IGSF3: variants seen among roughly 807,000 people sequenced by gnomAD.
IGSF3 encodes immunoglobulin superfamily member 3, also known as glu-Trp-Ile EWI motif-containing protein 3.
In IGSF3, 23 loss-of-function variants were observed where a neutral mutation model predicts 114.4. The ratio of observed to expected loss-of-function variants is 0.20; its 90% confidence interval spans 0.14 to 0.28. IGSF3 has a LOEUF of 0.28. IGSF3 is among the 10% of genes least tolerant of loss of function. The pLI is 1.00. For synonymous variants in IGSF3, 571 were observed against 645.2 expected, an observed-to-expected ratio of 0.88 and a Z score of 1.74; for missense variants, 1,172 against 1,591.5, an observed-to-expected ratio of 0.74 and a Z score of 4.48.
In IGSF3 at chr1:116,592,987, G is replaced by C. The variant is rs967054041; in HGVS notation, c.2030-3883C>G. ...ATCAAAGGGCACGCCAGAGAGAGGGGACAAGAGGAAAAAGATGACAACTAC... is the reference window on the plus strand; with the variant it reads ...ATCAAAGGGCACGCCAGAGAGAGGGCACAAGAGGAAAAAGATGACAACTAC... On this transcript the variant is annotated intron_variant, in intron 7 of 10. Transcript: ENST00000369486. This position sits in a 1 kb window ranked among gnomAD's most constrained non-coding sequence, Gnocchi z 4.5. Among the ~76,000 whole-genome samples, 2 of 152,196 alleles carry C rather than the reference G, an allele frequency of 1.3e-5. No individual in the cohort carries two copies. The highest frequency in any genetic ancestry group is 2.4e-5 in the African/African-American group (1 of 41,450).
chr1:116,615,027 C>G lies in IGSF3; in HGVS notation c.422-852G>C, dbSNP rs1484081501. 6.6e-6 allele frequency among the ~76,000 whole-genome samples: 1 copy of G among 151,976 alleles called. No homozygotes were observed. Among genetic ancestry groups the G allele is most frequent in the Non-Finnish European group, 1.5e-5 (1 of 68,004 alleles). ...CGGTGGCTCACACCTATAATCCCAA[C>G]ACTTTGGGAGGGTGAGGGAGGCGGA... On this transcript the variant is annotated intron_variant, in intron 3 of 10. Transcript: ENST00000369486. This position sits in a 1 kb window ranked among gnomAD's most constrained non-coding sequence, Gnocchi z 4.3.
chr1:116,635,200 A>C (rs750470757), intron 2 of IGSF3, among the ~76,000 whole-genome samples: 15 of 152,296 alleles, frequency 9.8e-5, no homozygotes, highest in Non-Finnish European at 1.9e-4. Context: ...TCTGTAACTT[A>C]CTTCATGTTC....
At position 116,589,827 on chromosome 1, in the gene IGSF3, C is replaced by T. The variant is rs906571731; in HGVS notation, c.2030-723G>A. Among the ~76,000 whole-genome samples the T allele has an allele frequency of 6.6e-6, 1 of 152,166 alleles. No homozygotes were observed. Among genetic ancestry groups the T allele is most frequent in the Non-Finnish European group, 1.5e-5 (1 of 68,044 alleles). ...AGCCAGTATTTACGGAGTGCCCACT[C>T]GGTTTCCCACAGGATGCTAAGTGCT... On this transcript the variant is annotated intron_variant, in intron 7 of 10. Transcript: ENST00000369486. The surrounding 1 kb of genome is among the most constrained non-coding windows in gnomAD (Gnocchi z 5.7).
intron 10 of IGSF3, among the ~76,000 whole-genome samples, chr1:116,578,209 G>A (rs1255449183): frequency 2.0e-5 from 3 of 152,218 alleles, no homozygotes; most frequent in Non-Finnish European, 4.4e-5. Context: ...CAGGAGCCTA[G>A]CCTCTGGGAG....
chr1:116,614,163 G>A lies in IGSF3; in HGVS notation c.434C>T (p.Ser145Phe), dbSNP rs1411941466. 3 of 1,609,526 alleles carry A rather than the reference G, an allele frequency of 1.9e-6. No homozygotes were observed. The highest frequency in any genetic ancestry group is 2.7e-5 in the African/African-American group (2 of 74,960). The stretch of plus-strand genomic sequence containing the variant: ...CTGGGGCATGGCAGTGGTCTGCAGG[G>A]AGTCTGGGATCACTGCAACACAGAA... ...AKMNLVVIPDSLQTTAMPQTL... is the reference protein window; with the variant it reads ...AKMNLVVIPDFLQTTAMPQTL... Residue 145 changes from serine to phenylalanine, a missense_variant, in exon 4 of 11, where the codon TCC (serine) becomes TTC (phenylalanine). By Grantham distance (155) the Ser-to-Phe change is radical. Coordinates refer to ENST00000369486, the MANE Select transcript of IGSF3 (RefSeq NM_001007237.3). This position sits in a 1 kb window ranked among gnomAD's most constrained non-coding sequence, Gnocchi z 4.5.
Position 116,589,888 on chromosome 1 carries a change from C to T in IGSF3, c.2030-784G>A, listed in dbSNP as rs1660024472. Among the ~76,000 whole-genome samples the T allele has an allele frequency of 6.6e-6, 1 of 152,162 alleles. No homozygotes were observed. The highest frequency in any genetic ancestry group is 2.4e-5 in the African/African-American group (1 of 41,438). ...TGAAGAGTAAGCCGGAGTCCCAGCC[C>T]TCATGGGGTGGACTGCCTAGCGGAC... is the stretch of plus-strand genomic sequence containing the variant. On this transcript the variant is annotated intron_variant, in intron 7 of 10. Transcript: ENST00000369486. The surrounding 1 kb of genome is among the most constrained non-coding windows in gnomAD (Gnocchi z 5.7).
rs1660544146 is a variant in IGSF3 at position 116,600,703 on chromosome 1, A to G, written c.1625-358T>C. 6.6e-6 allele frequency among the ~76,000 whole-genome samples: 1 copy of G among 152,224 alleles called. No individual in the cohort carries two copies. Among genetic ancestry groups the G allele is most frequent in the South Asian group, 2.1e-4 (1 of 4,836 alleles). ...AAATCTTGAGATTCCATGAGAGAAC[A>G]GGAAAAGAAAACCCCAAAGCCAATT... On this transcript the variant is annotated intron_variant, in intron 6 of 10. Coordinates refer to ENST00000369486, the MANE Select transcript of IGSF3 (RefSeq NM_001007237.3). This position sits in a 1 kb window ranked among gnomAD's most constrained non-coding sequence, Gnocchi z 5.5.
Position 116,651,812 on chromosome 1 carries a change from C to G in IGSF3, c.43+14472G>C, listed in dbSNP as rs565541336. Among the ~76,000 whole-genome samples, 49 of 152,154 alleles carry G rather than the reference C, an allele frequency of 3.2e-4. No homozygotes were observed. The highest frequency in any genetic ancestry group is 1.2e-3 in the African/African-American group (48 of 41,496). ...GAACTTAAAATCTAGTTTATTAAAC[C>G]ATTACTCACAAAAGTACAATCCAAC... is the stretch of plus-strand genomic sequence containing the variant. On this transcript the variant is annotated intron_variant, in intron 2 of 10. Transcript: ENST00000369486. The surrounding 1 kb of genome is among the most constrained non-coding windows in gnomAD (Gnocchi z 4.4).
At chr1:116,646,505 C>T (rs1186896879) in intron 2 of IGSF3, among the ~76,000 whole-genome samples, 3 of 145,578 alleles carry the variant, frequency 2.1e-5, no homozygotes, top group Non-Finnish European at 4.6e-5. Context: ...TAGGTTTTGG[C>T]TCACAAACAG....
At chr1:116,581,945 G>T (rs1276467929) in intron 9 of IGSF3, among the ~76,000 whole-genome samples, 1 of 152,188 alleles carries the variant, frequency 6.6e-6, no homozygotes, top group Non-Finnish European at 1.5e-5. Flanking sequence ...GGTGTCAAGG[G>T]AGGTGGCCCT....
rs2101386502 is a variant in IGSF3 at position 116,593,578 on chromosome 1, C to A, written c.2030-4474G>T. On this transcript the variant is annotated intron_variant, in intron 7 of 10. Coordinates refer to ENST00000369486, the MANE Select transcript of IGSF3 (RefSeq NM_001007237.3). This position sits in a 1 kb window ranked among gnomAD's most constrained non-coding sequence, Gnocchi z 4.5. ...CCTGCCAGTCAAACTGTTACTACCC[C>A]TGAGTCCCTCTGTCCTTAACACCCC... Among the ~76,000 whole-genome samples, 1 of 152,328 alleles carries A rather than the reference C, an allele frequency of 6.6e-6. No individual in the cohort carries two copies. Among genetic ancestry groups the A allele is most frequent in the East Asian group, 1.9e-4 (1 of 5,182 alleles).
In IGSF3 at chr1:116,627,680, G is replaced by A. The variant is rs577320531; in HGVS notation, c.44-11223C>T. Among the ~76,000 whole-genome samples the A allele has an allele frequency of 1.3e-5, 2 of 152,316 alleles. No homozygotes were observed. The highest frequency in any genetic ancestry group is 4.1e-4 in the South Asian group (2 of 4,826). On this transcript the variant is annotated intron_variant, in intron 2 of 10. Transcript: ENST00000369486. The surrounding 1 kb of genome is among the most constrained non-coding windows in gnomAD (Gnocchi z 4.7). ...GGGCGCCAACAGCAAAAGCACTTGG[G>A]GGGCTTTTTCAAGTGGCATCAGAAC...
chr1:116,589,672 G>A lies in IGSF3; in HGVS notation c.2030-568C>T, dbSNP rs75089720. Among the ~76,000 whole-genome samples the A allele has an allele frequency of 1.6e-4, 25 of 151,828 alleles. No individual in the cohort carries two copies. Among genetic ancestry groups the A allele is most frequent in the South Asian group, 2.1e-4 (1 of 4,786 alleles). On this transcript the variant is annotated intron_variant, in intron 7 of 10. Coordinates refer to ENST00000369486, the MANE Select transcript of IGSF3 (RefSeq NM_001007237.3). The surrounding 1 kb of genome is among the most constrained non-coding windows in gnomAD (Gnocchi z 5.7). Reference sequence around the variant, plus strand: ...TTCTCTCCACTTATCCCTCATTCCCGTCCCCCTGGGCTCCATACCCTTCCT... The same window carrying A: ...TTCTCTCCACTTATCCCTCATTCCCATCCCCCTGGGCTCCATACCCTTCCT...
Position 116,600,113 on chromosome 1 carries a change from G to A in IGSF3, c.1857C>T (p.Ile619=), listed in dbSNP as rs749799724. 24 of 1,614,040 alleles carry A rather than the reference G, an allele frequency of 1.5e-5. No homozygotes were observed. Among genetic ancestry groups the A allele is most frequent in the East Asian group, 6.7e-5 (3 of 44,898 alleles). ...CGTTGTTGCTGGACTCAGCCTTCTCGATGGCAGTTCGGGTTCGGAAGCTGG... is the reference window on the plus strand; with the variant it reads ...CGTTGTTGCTGGACTCAGCCTTCTCAATGGCAGTTCGGGTTCGGAAGCTGG... ...RSSSFRTRTA[I]EKAESSNNVR... Residue 619 remains isoleucine (I), a synonymous_variant, in exon 7 of 11, where the codon ATC becomes ATT. Transcript: ENST00000369486. The surrounding 1 kb of genome is among the most constrained non-coding windows in gnomAD (Gnocchi z 5.5).
At position 116,634,793 on chromosome 1, in the gene IGSF3, G is replaced by A. The variant is rs968048004; in HGVS notation, c.44-18336C>T. Among the ~76,000 whole-genome samples, 1 of 152,064 alleles carries A rather than the reference G, an allele frequency of 6.6e-6. No individual in the cohort carries two copies. Among genetic ancestry groups the A allele is most frequent in the African/African-American group, 2.4e-5 (1 of 41,366 alleles). ...GTGACACTCTGTGACCTTAAGGCTA[G>A]GTCACAAACAGGGAACGCAGCTTCT... On this transcript the variant is annotated intron_variant, in intron 2 of 10. Transcript: ENST00000369486. This position sits in a 1 kb window ranked among gnomAD's most constrained non-coding sequence, Gnocchi z 4.2.
intron 4 of IGSF3, among the ~76,000 whole-genome samples, chr1:116,611,302 T>C (rs1463966925): frequency 6.6e-6 from 1 of 152,182 alleles, no homozygotes; most frequent in East Asian, 1.9e-4. Flanking sequence ...TTTTTATTCA[T>C]ACAAAATCTT....
intron 4 of IGSF3, among the ~76,000 whole-genome samples, chr1:116,613,514 T>A (rs894400972): frequency 1.2e-4 from 18 of 152,346 alleles, no homozygotes; most frequent in African/African-American, 4.1e-4. Flanking sequence ...AAACACCATG[T>A]AGGTCAAAGA....
In IGSF3 at chr1:116,598,374, T is replaced by C. The variant is rs1206501606; in HGVS notation, c.2029+1567A>G. On this transcript the variant is annotated intron_variant, in intron 7 of 10. Transcript: ENST00000369486. This position sits in a 1 kb window ranked among gnomAD's most constrained non-coding sequence, Gnocchi z 4.3. ...CATAAAATGGGGTCTCTGCTTAACC[T>C]TCCATTAACCTGAAAATCCATTTAA... 6.6e-6 allele frequency among the ~76,000 whole-genome samples: 1 copy of C among 152,228 alleles called. No individual in the cohort carries two copies. Among genetic ancestry groups the C allele is most frequent in the Non-Finnish European group, 1.5e-5 (1 of 68,034 alleles).
At chr1:116,580,520 T>C (rs1475616596) in intron 9 of IGSF3, among the ~76,000 whole-genome samples, 1 of 152,176 alleles carries the variant, frequency 6.6e-6, no homozygotes, top group Non-Finnish European at 1.5e-5. Flanking sequence ...TCCAGTAAGA[T>C]TGGTGTCTTA....
Sources: allele counts gnomAD v4.1 joint callset (sites outside exome capture counted in the v4.1 genomes callset), GRCh38; gene constraint gnomAD v4.1.1; non-coding constraint Gnocchi (gnomAD v3.1); transcripts MANE v1.5; gene names NCBI Gene and HGNC (gene_info 2026-07-23, HGNC 2026-07-21).